SGCD: variants seen among roughly 807,000 people sequenced by gnomAD.
The protein encoded by SGCD is delta-sarcoglycan.
A neutral mutation model predicts 36.6 loss-of-function variants in SGCD; 18 were observed. That is an observed-to-expected ratio of 0.49 (90% CI 0.34 to 0.73). The LOEUF (loss-of-function observed/expected upper bound fraction) is 0.73, where lower values mean the gene tolerates loss of function less well. Among genes scored for constraint, SGCD ranks in the 30% least tolerant of loss-of-function variants. The probability of loss-of-function intolerance (pLI) is 0.01; values close to 1 mark genes in which losing one functional copy is unlikely to be tolerated. For missense variants in SGCD, 387 were observed against 346.7 expected (o/e 1.12, Z -0.92); for synonymous variants, 133 against 130.6 (o/e 1.02, Z -0.12).
intron 3 of SGCD, among the ~76,000 whole-genome samples, chr5:156,361,935 C>T (rs940981278): frequency 3.3e-5 from 5 of 152,136 alleles, no homozygotes; most frequent in African/African-American, 1.2e-4. Context: ...GCATTTGCCT[C>T]CCTGGAAAGG....
At chr5:156,400,476 G>A (rs928914046) in intron 3 of SGCD, among the ~76,000 whole-genome samples, 6 of 152,118 alleles carry the variant, frequency 3.9e-5, no homozygotes, top group Non-Finnish European at 7.3e-5. Flanking sequence ...AACTACTGAA[G>A]CACAAATAAT....
chr5:155,801,883 G>A, the SGCD span, among the ~76,000 whole-genome samples: 1 of 152,166 alleles, frequency 6.6e-6, no homozygotes, highest in South Asian at 2.1e-4. Flanking sequence ...GGAAGATCAG[G>A]ATAATTGTAA....
chr5:156,444,174 C>G (rs909188117), intron 3 of SGCD, among the ~76,000 whole-genome samples: 2 of 136,574 alleles, frequency 1.5e-5, no homozygotes, highest in South Asian at 4.9e-4. Flanking sequence ...CTCTCTCTCT[C>G]CTTCCCTCTC....
At chr5:156,517,071 A>C (rs1757207815) in intron 4 of SGCD, among the ~76,000 whole-genome samples, 1 of 152,216 alleles carries the variant, frequency 6.6e-6, no homozygotes, top group Non-Finnish European at 1.5e-5. Context: ...GTTCTAACCC[A>C]GTGCAAGGAA....
chr5:156,277,849 T>C (rs949877244), intron 3 of SGCD, among the ~76,000 whole-genome samples: 7 of 152,190 alleles, frequency 4.6e-5, no homozygotes, highest in East Asian at 3.9e-4. Context: ...ATACTTGCTA[T>C]GGATGAGTCG....
intron 3 of SGCD, among the ~76,000 whole-genome samples, chr5:156,185,887 G>GAGAGAGAGAGAGA (rs1763745191): frequency 2.2e-4 from 2 of 9,156 alleles, no homozygotes; most frequent in Non-Finnish European, 5.2e-4. Context: ...AGAGAGAGAG[G>GAGAGAGAGAGAGA]GCCATGTCTC....
intron 2 of SGCD, among the ~76,000 whole-genome samples, chr5:156,342,329 A>G (rs546619532): frequency 1.3e-5 from 2 of 152,330 alleles, no homozygotes; most frequent in Admixed American, 6.5e-5. Flanking sequence ...TATCTTGCCT[A>G]TGACAATTCC....
chr5:155,900,513 C>T (rs146993988), intron 1 of SGCD, among the ~76,000 whole-genome samples: 2,392 of 151,566 alleles, frequency 0.016, 80 homozygotes, highest in African/African-American at 0.055. Context: ...CATGCTGGTG[C>T]GCTGCACCCA....
At chr5:156,046,457 G>C (rs1219635881) in intron 1 of SGCD, among the ~76,000 whole-genome samples, 1 of 152,064 alleles carries the variant, frequency 6.6e-6, no homozygotes, top group African/African-American at 2.4e-5. Context: ...TGTCTAGAAA[G>C]TCTATTGGTG....
At chr5:156,420,564 G>C (rs1317106111) in intron 3 of SGCD, among the ~76,000 whole-genome samples, 1 of 152,054 alleles carries the variant, frequency 6.6e-6, no homozygotes, top group East Asian at 1.9e-4. Flanking sequence ...AAATCCATCT[G>C]AACTGAAGCC....
At position 156,329,552 on chromosome 5, in the gene SGCD, T is replaced by C; in HGVS notation, c.-25T>C. 1 of 1,612,622 alleles carries C rather than the reference T, an allele frequency of 6.2e-7. No homozygotes were observed. Among genetic ancestry groups the C allele is most frequent in the Non-Finnish European group, 8.5e-7 (1 of 1,179,030 alleles). On this transcript the variant is annotated 5_prime_UTR_variant, in exon 2 of 9. Coordinates refer to ENST00000337851, the MANE Select transcript of SGCD (RefSeq NM_000337.6). Reference sequence around the variant, plus strand: ...CTTGCAGAGACATTACTGCCGGGAGTGTTGAGTGAAGGGACCAGGTGGAGA... The same window carrying C: ...CTTGCAGAGACATTACTGCCGGGAGCGTTGAGTGAAGGGACCAGGTGGAGA...
intron 7 of SGCD, among the ~76,000 whole-genome samples, chr5:156,649,648 G>A (rs1324868834): frequency 6.6e-6 from 1 of 151,406 alleles, no homozygotes; most frequent in African/African-American, 2.4e-5. Flanking sequence ...ACTCATAGGT[G>A]GGAATTGAAC....
intron 1 of SGCD, among the ~76,000 whole-genome samples, chr5:155,960,386 T>C (rs1757768390): frequency 6.6e-6 from 1 of 151,996 alleles, no homozygotes; most frequent in African/African-American, 2.4e-5. Context: ...AATAGTCCTT[T>C]CCCTAGCCCA....
chr5:156,359,584 C>T (rs1561643648), intron 3 of SGCD, among the ~76,000 whole-genome samples: 1 of 152,166 alleles, frequency 6.6e-6, no homozygotes, highest in East Asian at 1.9e-4. Context: ...ACAGCTGTTG[C>T]ACATATCCTC....
intron 1 of SGCD, among the ~76,000 whole-genome samples, chr5:155,926,762 C>T (rs1757003917): frequency 6.6e-6 from 1 of 151,948 alleles, no homozygotes; most frequent in East Asian, 1.9e-4. Context: ...TTGATGCCTA[C>T]CAAAATTTTG....
chr5:156,146,233 G>A (rs773491279), intron 3 of SGCD, among the ~76,000 whole-genome samples: 4 of 152,010 alleles, frequency 2.6e-5, no homozygotes, highest in Non-Finnish European at 5.9e-5. Context: ...AACAAAAAAG[G>A]ATTTGACTTT....
intron 1 of SGCD, among the ~76,000 whole-genome samples, chr5:156,100,601 T>C (rs1418529969): frequency 6.6e-6 from 1 of 152,242 alleles, no homozygotes; most frequent in Non-Finnish European, 1.5e-5. Flanking sequence ...CTTTTCCCTA[T>C]TGCAGTAGTG....
intron 1 of SGCD, among the ~76,000 whole-genome samples, chr5:155,888,857 C>T (rs1376071038): frequency 6.6e-6 from 1 of 152,134 alleles, no homozygotes; most frequent in Admixed American, 6.6e-5. Flanking sequence ...ACTCATCCTT[C>T]CCCTTGATTA....
chr5:156,105,723 C>T (rs1225864502), intron 1 of SGCD, among the ~76,000 whole-genome samples: 1 of 152,068 alleles, frequency 6.6e-6, no homozygotes, highest in Non-Finnish European at 1.5e-5. Context: ...TCTGGTTTCT[C>T]CGTCTTAAAT....
Sources: gnomAD v4.1 joint callset for allele counts (sites outside exome capture counted in the v4.1 genomes callset) on GRCh38, gnomAD v4.1.1 for gene constraint, MANE v1.5 for transcripts, NCBI Gene and HGNC (gene_info 2026-07-23, HGNC 2026-07-21) for gene names.